Variants in CORIN observed in about 807,000 individuals in gnomAD.
The protein encoded by CORIN is corin, serine peptidase.
Under a neutral mutation model 125.3 loss-of-function variants are expected in CORIN, and 117 were observed. The ratio of observed to expected loss-of-function variants is 0.93; its 90% confidence interval spans 0.80 to 1.09. The LOEUF (loss-of-function observed/expected upper bound fraction) is 1.09, where lower values mean the gene tolerates loss of function less well. Among genes scored for constraint, CORIN ranks in the 50% least tolerant of loss-of-function variants. The pLI is 0.00. For missense variants in CORIN, 1,253 were observed against 1,306.7 expected, an observed-to-expected ratio of 0.96 and a Z score of 0.63; for synonymous variants, 450 against 466.4, an observed-to-expected ratio of 0.96 and a Z score of 0.45.
rs1250327994 is a variant in CORIN, at chr4:47,603,434, G to A, written c.2775C>T (p.Tyr925=). Residue 925 remains tyrosine (Y), a synonymous_variant, in exon 20 of 22, where the codon TAC becomes TAT. Coordinates refer to ENST00000273857, the MANE Select transcript of CORIN (RefSeq NM_006587.4). The part of the protein sequence containing the change: ...NPEQWLEPDT[Y]CYITGWGHMG... ...TGTGGCCCCAGCCTGTGATATAGCA[G>A]TACGTGTCAGGCTCTAGCCACTGCT... 1 of 1,614,080 alleles carries A rather than the reference G, an allele frequency of 6.2e-7. No individual in the cohort carries two copies. Among genetic ancestry groups the A allele is most frequent in the Non-Finnish European group, 8.5e-7 (1 of 1,180,036 alleles).
At chr4:47,764,239 C>T (rs982934902) in intron 3 of CORIN, among the ~76,000 whole-genome samples, 13 of 152,136 alleles carry the variant, frequency 8.5e-5, no homozygotes, top group African/African-American at 3.1e-4. Flanking sequence ...TTAAAACACA[C>T]AATTATGCAA....
intron 16 of CORIN, among the ~76,000 whole-genome samples, chr4:47,639,885 T>C (rs1286465709): frequency 6.6e-6 from 1 of 152,174 alleles, no homozygotes; most frequent in African/African-American, 2.4e-5. Flanking sequence ...TCTCCAGATT[T>C]CTGTCAATTC....
chr4:47,836,285 A>G (rs891017382), intron 1 of CORIN, among the ~76,000 whole-genome samples: 1 of 151,864 alleles, frequency 6.6e-6, no homozygotes, highest in African/African-American at 2.4e-5. Flanking sequence ...CTAATAATAG[A>G]AACAAGCTAA....
intron 5 of CORIN, among the ~76,000 whole-genome samples, chr4:47,715,972 C>A: frequency 6.6e-6 from 1 of 152,182 alleles, no homozygotes; most frequent in Non-Finnish European, 1.5e-5. Flanking sequence ...GAGGTTTCCT[C>A]CCTAAGAGAA....
intron 5 of CORIN, among the ~76,000 whole-genome samples, chr4:47,697,215 G>T (rs1416796558): frequency 6.6e-6 from 1 of 152,264 alleles, no homozygotes; most frequent in East Asian, 1.9e-4. Context: ...GTATCTGTAG[G>T]CACAATAGAT....
At chr4:47,642,920 G>C (rs1248338751) in intron 15 of CORIN, 9 of 1,512,754 alleles carry the variant, frequency 5.9e-6, no homozygotes, top group Non-Finnish European at 7.9e-6. Flanking sequence ...GAACCCAAAC[G>C]TTTTTCCATA....
At chr4:47,643,679 A>T (rs1422676470) in intron 14 of CORIN, among the ~76,000 whole-genome samples, 1 of 152,158 alleles carries the variant, frequency 6.6e-6, no homozygotes, top group Non-Finnish European at 1.5e-5. Context: ...CTATTATTAA[A>T]TGACTCTCTG....
At chr4:47,643,864 T>C (rs1175280680) in intron 14 of CORIN, among the ~76,000 whole-genome samples, 1 of 152,216 alleles carries the variant, frequency 6.6e-6, no homozygotes, top group African/African-American at 2.4e-5. Context: ...AAGCTGGGCA[T>C]GGCATTTTTC....
At chr4:47,757,875 T>G (rs976731028) in intron 4 of CORIN, among the ~76,000 whole-genome samples, 1 of 80,810 alleles carries the variant, frequency 1.2e-5, no homozygotes, top group Non-Finnish European at 2.9e-5. Context: ...TACATATATA[T>G]ATGTATATAT....
chr4:47,638,733 T>G (rs948866704), intron 16 of CORIN, among the ~76,000 whole-genome samples: 1 of 152,168 alleles, frequency 6.6e-6, no homozygotes, highest in Non-Finnish European at 1.5e-5. Flanking sequence ...ATGTCTTTAT[T>G]AGCAGCATAA....
chr4:47,804,817 T>A (rs1391088916), intron 2 of CORIN, among the ~76,000 whole-genome samples: 1 of 151,752 alleles, frequency 6.6e-6, no homozygotes, highest in Non-Finnish European at 1.5e-5. Context: ...CACAACAGGA[T>A]GACTATAGTA....
At chr4:47,785,543 T>G (rs1335854530) in intron 3 of CORIN, among the ~76,000 whole-genome samples, 1 of 151,972 alleles carries the variant, frequency 6.6e-6, no homozygotes, top group Non-Finnish European at 1.5e-5. Flanking sequence ...TTCACCAACA[T>G]GTAAAATAAA....
Position 47,629,447 on chromosome 4 carries a change from T to C in CORIN, c.2199-2926A>G, listed in dbSNP as rs117330261. 4.6e-4 allele frequency among the ~76,000 whole-genome samples: 70 copies of C among 152,334 alleles called. No individual in the cohort carries two copies. The East Asian group carries it at 0.013, about 28-fold the overall frequency. ...TTATGTATTTTGGATACTAACCTCA[T>C]TGGATATATGGTTTTTTTAAATAAC... is the stretch of plus-strand genomic sequence containing the variant. On this transcript the variant is annotated intron_variant, in intron 16 of 21. Transcript: ENST00000273857.
chr4:47,764,004 C>A (rs568115877), intron 3 of CORIN, among the ~76,000 whole-genome samples: 1 of 151,922 alleles, frequency 6.6e-6, no homozygotes, highest in Non-Finnish European at 1.5e-5. Flanking sequence ...GATTTATCTA[C>A]GGGGATCTTG....
intron 4 of CORIN, among the ~76,000 whole-genome samples, chr4:47,754,118 C>T (rs754665964): frequency 3.3e-5 from 5 of 152,196 alleles, no homozygotes; most frequent in Admixed American, 6.5e-5. Flanking sequence ...AATATTTGAT[C>T]TGTCATGGCC....
At position 47,690,983 on chromosome 4, in the gene CORIN, T is replaced by C. The variant is rs1725739520; in HGVS notation, c.913+1987A>G. Reference sequence around the variant, plus strand: ...CCCCAACGGACCAAAAGATCATTTTTGTGATATGTTCATGGGAAAGGGCCA... The same window carrying C: ...CCCCAACGGACCAAAAGATCATTTTCGTGATATGTTCATGGGAAAGGGCCA... On this transcript the variant is annotated intron_variant, in intron 6 of 21. Coordinates refer to ENST00000273857, the MANE Select transcript of CORIN (RefSeq NM_006587.4). 1.3e-5 allele frequency among the ~76,000 whole-genome samples: 2 copies of C among 152,242 alleles called. 1 individual carries two copies. Among genetic ancestry groups the C allele is most frequent in the East Asian group, 3.8e-4 (2 of 5,204 alleles).
In CORIN at chr4:47,786,320, A is replaced by T. The variant is rs1170483504; in HGVS notation, c.409+405T>A. Reference sequence around the variant, plus strand: ...GAGGCCGAGGCGGGCGGATCACTTGAGGTCAGGAGTTCGAGACCAGCCTGG... The same window carrying T: ...GAGGCCGAGGCGGGCGGATCACTTGTGGTCAGGAGTTCGAGACCAGCCTGG... On this transcript the variant is annotated intron_variant, in intron 3 of 21. Coordinates refer to ENST00000273857, the MANE Select transcript of CORIN (RefSeq NM_006587.4). 5.3e-5 allele frequency among the ~76,000 whole-genome samples: 8 copies of T among 152,120 alleles called. No individual in the cohort carries two copies. The East Asian group carries it at 1.4e-3, about 26-fold the overall frequency.
intron 5 of CORIN, among the ~76,000 whole-genome samples, chr4:47,723,299 G>A (rs1727439076): frequency 6.6e-6 from 1 of 152,160 alleles, no homozygotes; most frequent in Admixed American, 6.5e-5. Flanking sequence ...AGAGAAGAGG[G>A]AGCTTGAGAT....
At chr4:47,798,341 C>A (rs1731388443) in intron 2 of CORIN, among the ~76,000 whole-genome samples, 1 of 152,148 alleles carries the variant, frequency 6.6e-6, no homozygotes, top group Non-Finnish European at 1.5e-5. Context: ...CTTTTCTAAT[C>A]AATAATCTTC....
Sources: gnomAD v4.1 joint callset for allele counts (sites outside exome capture counted in the v4.1 genomes callset) on GRCh38, gnomAD v4.1.1 for gene constraint, MANE v1.5 for transcripts, NCBI Gene and HGNC (gene_info 2026-07-23, HGNC 2026-07-21) for gene names.